The following HDAC9 variants were observed in gnomAD, a reference collection of about 807,000 sequenced individuals.
HDAC9 encodes the protein MEF-2 interacting transcription repressor (MITR) protein.
HDAC9 carries 41 observed loss-of-function variants against 139.4 expected under a neutral mutation model. The ratio of observed to expected loss-of-function variants is 0.29; its 90% CI spans 0.23 to 0.38. The LOEUF is 0.38. Among genes scored for constraint, HDAC9 ranks in the 10% least tolerant of loss-of-function variants. HDAC9 has a pLI of 1.00. For missense variants in HDAC9, 1,147 were observed against 1,297.0 expected, an observed-to-expected ratio of 0.88 and a Z score of 1.78; for synonymous variants, 517 against 476.2, an observed-to-expected ratio of 1.09 and a Z score of -1.12.
At chr7:18,122,266 G>A (rs1584173821) in intron 1 of HDAC9, among the ~76,000 whole-genome samples, 2 of 152,162 alleles carry the variant, frequency 1.3e-5, no homozygotes, top group South Asian at 4.1e-4. Flanking sequence ...AGTTATGTGT[G>A]TAGGTTGGTG....
chr7:18,843,111 A>T (rs941698719), intron 21 of HDAC9, among the ~76,000 whole-genome samples: 1 of 152,156 alleles, frequency 6.6e-6, no homozygotes, highest in Non-Finnish European at 1.5e-5. Flanking sequence ...CTGTATAGCA[A>T]TTAAACAATT....
intron 13 of HDAC9, among the ~76,000 whole-genome samples, chr7:18,747,046 G>A (rs1238985004): frequency 6.6e-6 from 1 of 152,088 alleles, no homozygotes; most frequent in Non-Finnish European, 1.5e-5. Flanking sequence ...AAGAATTTCC[G>A]GCATAGAGGG....
intron 1 of HDAC9, among the ~76,000 whole-genome samples, chr7:18,090,183 C>T (rs1482995502): frequency 2.6e-5 from 4 of 152,212 alleles, no homozygotes; most frequent in African/African-American, 9.7e-5. Flanking sequence ...CCCAACGTTA[C>T]ACCATAGTGA....
chr7:18,446,463 C>G (rs1585968621), intron 1 of HDAC9, among the ~76,000 whole-genome samples: 3 of 152,168 alleles, frequency 2.0e-5, no homozygotes, highest in Non-Finnish European at 4.4e-5. Context: ...TGAGTTGAAT[C>G]TTTTCCTTTT....
At position 18,537,268 on chromosome 7, in the gene HDAC9, A is replaced by G. The variant is rs1183672359; in HGVS notation, c.22+40944A>G. ...TCTCTGCCAGGAGAATGGAAGAAAC[A>G]TATCTGTTATCGTTGTTGTTTCTAG... is the stretch of plus-strand genomic sequence containing the variant. On this transcript the variant is annotated intron_variant, in intron 2 of 25. Transcript: ENST00000686413. 6.6e-5 allele frequency among the ~76,000 whole-genome samples: 10 copies of G among 152,352 alleles called. No individual in the cohort carries two copies. In the South Asian group the frequency reaches 1.9e-3, roughly 28 times the overall value.
At chr7:18,201,677 T>TC (rs1478286563) in intron 2 of HDAC9, among the ~76,000 whole-genome samples, 1 of 152,224 alleles carries the variant, frequency 6.6e-6, no homozygotes, top group Admixed American at 6.5e-5. Context: ...GAAAGCAGTG[T>TC]CCTTCAATGG....
chr7:18,845,845 AGAGAGGTATCT>A (rs1796868566), intron 21 of HDAC9, among the ~76,000 whole-genome samples: 1 of 152,180 alleles, frequency 6.6e-6, no homozygotes. Flanking sequence ...CCTCGAAGGA[AGAGAGGTATCT>A]GTGGGTGCGC....
chr7:18,849,042 GT>G (rs1047484561), intron 21 of HDAC9, among the ~76,000 whole-genome samples: 1 of 152,250 alleles, frequency 6.6e-6, no homozygotes. Flanking sequence ...ATAGAACACA[GT>G]TTGAAAAATT....
intron 12 of HDAC9, among the ~76,000 whole-genome samples, chr7:18,698,885 C>CA (rs1554331798): frequency 6.6e-6 from 1 of 151,850 alleles, no homozygotes; most frequent in Non-Finnish European, 1.5e-5. Flanking sequence ...AATATTTTGG[C>CA]AAAAAATGGT....
At chr7:18,317,952 G>A (rs1236032554) in intron 1 of HDAC9, among the ~76,000 whole-genome samples, 2 of 152,218 alleles carry the variant, frequency 1.3e-5, no homozygotes, top group African/African-American at 2.4e-5. Flanking sequence ...GTTGGTAAGA[G>A]TGGAAATGGG....
intron 2 of HDAC9, among the ~76,000 whole-genome samples, chr7:18,580,754 G>A (rs1472524407): frequency 6.6e-6 from 1 of 152,132 alleles, no homozygotes; most frequent in Non-Finnish European, 1.5e-5. Context: ...TTTATCCACT[G>A]TTAAAAATGG....
intron 2 of HDAC9, among the ~76,000 whole-genome samples, chr7:18,508,444 A>G (rs1800457948): frequency 6.6e-6 from 1 of 152,182 alleles, no homozygotes; most frequent in Admixed American, 6.5e-5. Flanking sequence ...GTAGGTAGGT[A>G]AGGGAACTGG....
intron 2 of HDAC9, among the ~76,000 whole-genome samples, chr7:18,548,694 G>C (rs1378801996): frequency 1.3e-5 from 2 of 152,066 alleles, no homozygotes; most frequent in Non-Finnish European, 2.9e-5. Flanking sequence ...TAAACAACCA[G>C]AGCAATAAGG....
chr7:18,723,118 TA>T (rs1451162266), intron 12 of HDAC9, among the ~76,000 whole-genome samples: 20 of 152,174 alleles, frequency 1.3e-4, no homozygotes, highest in Non-Finnish European at 7.4e-5. Flanking sequence ...CTATTTCTCA[TA>T]TTTTTTTTCT....
intron 1 of HDAC9, among the ~76,000 whole-genome samples, chr7:18,367,418 G>T (rs1332735415): frequency 1.3e-5 from 2 of 152,046 alleles, no homozygotes; most frequent in Admixed American, 6.6e-5. Context: ...ATAAAAATTG[G>T]TAAAGACTCT....
intron 12 of HDAC9, among the ~76,000 whole-genome samples, chr7:18,698,534 A>G (rs924774320): frequency 3.3e-5 from 5 of 152,176 alleles, no homozygotes; most frequent in African/African-American, 9.6e-5. Flanking sequence ...CTAATCACCA[A>G]TCTTTATGTG....
chr7:18,230,805 T>C (rs990382244), intron 2 of HDAC9, among the ~76,000 whole-genome samples: 1 of 152,218 alleles, frequency 6.6e-6, no homozygotes, highest in African/African-American at 2.4e-5. Context: ...CATTATTCAC[T>C]GGTGGCAGTA....
chr7:18,797,476 C>G (rs1358383615), intron 17 of HDAC9, among the ~76,000 whole-genome samples: 1 of 152,164 alleles, frequency 6.6e-6, no homozygotes, highest in African/African-American at 2.4e-5. Context: ...TTAAAATTCT[C>G]TCAGTACTTA....
chr7:18,666,109 A>G (rs1469077490), intron 11 of HDAC9, 104 bp from the exon 12 acceptor site: 4 of 1,215,004 alleles, frequency 3.3e-6, no homozygotes, highest in Non-Finnish European at 4.6e-6. Flanking sequence ...ATGTTCAATG[A>G]TTAGAAATCA....
Sources: gnomAD v4.1 joint callset for allele counts (sites outside exome capture counted in the v4.1 genomes callset) on GRCh38, gnomAD v4.1.1 for gene constraint, MANE v1.5 for transcripts, NCBI Gene and HGNC (gene_info 2026-07-23, HGNC 2026-07-21) for gene names.